DPPA4: variants seen among roughly 807,000 people sequenced by gnomAD.
DPPA4 encodes the protein developmental pluripotency-associated protein 4.
Under a neutral mutation model 33.7 loss-of-function variants are expected in DPPA4, and 22 were observed. That is an observed-to-expected ratio of 0.65 (90% CI 0.47 to 0.93). The LOEUF (loss-of-function observed/expected upper bound fraction) is 0.93. DPPA4 is among the 40% of genes least tolerant of loss of function. DPPA4 has a pLI of 0.00. For synonymous variants in DPPA4, 156 were observed against 132.3 expected (o/e 1.18, Z -1.23); for missense variants, 340 against 358.6 (o/e 0.95, Z 0.42).
intron 4 of DPPA4, 83 bp downstream of exon 4, chr3:109,331,651 C>A: frequency 1.5e-6 from 2 of 1,302,010 alleles, no homozygotes. Flanking sequence ...CAAGGTGAGG[C>A]TAAGACAGTT....
chr3:109,332,409 CT>C (rs1708103037), intron 2 of DPPA4, among the ~76,000 whole-genome samples: 3 of 152,060 alleles, frequency 2.0e-5, no homozygotes, highest in African/African-American at 7.2e-5. Context: ...CCTAAAATCA[CT>C]TTTAGTTAAT....
intron 4 of DPPA4, among the ~76,000 whole-genome samples, 184 bp downstream of exon 4, chr3:109,331,543 CAAAAAAA>C (rs62827961): frequency 1.4e-5 from 1 of 71,466 alleles, no homozygotes; most frequent in Non-Finnish European, 2.5e-5. Flanking sequence ...GACTCTGTCT[CAAAAAAA>C]AAAAAAAAAA....
Position 109,327,399 on chromosome 3 carries a change from C to A in DPPA4, c.*589G>T. 6.6e-6 allele frequency: 1 copy of A among 152,426 alleles called. No homozygotes were observed. Among genetic ancestry groups the A allele is most frequent in the Non-Finnish European group, 1.5e-5 (1 of 68,108 alleles). 9.4% of individuals were successfully genotyped at this position (152,426 alleles called of 1,614,324 possible). A position where few individuals can be genotyped will look rare whatever the true frequency, so the allele number is the denominator to read the frequency against. On this transcript the variant is annotated 3_prime_UTR_variant, in exon 7 of 7. Transcript: ENST00000335658. ...TAAAAGAGCTGTTGAAGGTCAGGCG[C>A]AGGGGCTCATGCCCATAGTCCCAGC...
chr3:109,335,515 A>G (rs1479878515), intron 1 of DPPA4, among the ~76,000 whole-genome samples: 1 of 151,972 alleles, frequency 6.6e-6, no homozygotes, highest in Non-Finnish European at 1.5e-5. Context: ...TGCAACTTCC[A>G]TCTCCCCGGT....
chr3:109,339,247 A>T (rs1241330732), upstream of DPPA4, among the ~76,000 whole-genome samples: 1 of 150,576 alleles, frequency 6.6e-6, no homozygotes, highest in Non-Finnish European at 1.5e-5. Flanking sequence ...AATCCAGGCC[A>T]GATTGATTCA....
chr3:109,332,772 G>A (rs1340465131), intron 2 of DPPA4, among the ~76,000 whole-genome samples: 1 of 152,126 alleles, frequency 6.6e-6, no homozygotes. Context: ...TCCCGCTTCT[G>A]CACCTCACAT....
Position 109,333,865 on chromosome 3 carries a change from C to CT in DPPA4, c.178+4dup. On this transcript the variant is annotated splice_donor_region_variant and intron_variant, in intron 2 of 6. Coordinates refer to ENST00000335658, the MANE Select transcript of DPPA4 (RefSeq NM_018189.4). Reference sequence around the variant, plus strand: ...GTGGGATTTGAGAATTTGAAGACCTCTTACCTTTACTGCCTTTGATAGACA... The same window carrying CT: ...GTGGGATTTGAGAATTTGAAGACCTCTTTACCTTTACTGCCTTTGATAGACA... 1 of 1,613,606 alleles carries CT rather than the reference C, an allele frequency of 6.2e-7. No individual in the cohort carries two copies. Among genetic ancestry groups the CT allele is most frequent in the Admixed American group, 1.7e-5 (1 of 59,986 alleles).
At chr3:109,331,828 T>C (rs140276272) in intron 3 of DPPA4, 43 bp downstream of exon 3, 1 of 1,613,600 alleles carries the variant, frequency 6.2e-7, no homozygotes, top group Non-Finnish European at 8.5e-7. Context: ...ATAAGGTTCC[T>C]ACCCTTCCTC....
Position 109,330,639 on chromosome 3 carries a change from T to A in DPPA4, c.564A>T (p.Gly188=). The change falls in exon 5 of 7, where the codon GGA becomes GGT. Residue 188 remains glycine, a synonymous_variant. Coordinates refer to ENST00000335658, the MANE Select transcript of DPPA4 (RefSeq NM_018189.4). ...AAGTTGTCACCACAACTGTATTAAC[T>A]CCCTCAAGGAGAGCAGTGGAATTTT... ...ALENSTALLE[G]VNTVVVTTSA... 1 of 1,613,974 alleles carries A rather than the reference T, an allele frequency of 6.2e-7. No homozygotes were observed. The highest frequency in any genetic ancestry group is 2.2e-5 in the East Asian group (1 of 44,846).
chr3:109,333,573 C>T (rs146605785), intron 2 of DPPA4: 70 of 210,428 alleles, frequency 3.3e-4, no homozygotes, highest in African/African-American at 1.5e-3. Flanking sequence ...AAATTTACAG[C>T]TGTCTGTTCC....
chr3:109,332,150 G>C lies in DPPA4; in HGVS notation c.179-119C>G, dbSNP rs3762649. 2,921 of 879,374 alleles carry C rather than the reference G, an allele frequency of 3.3e-3. 83 individuals carry two copies. The East Asian group carries it at 0.059, about 18-fold the overall frequency. 54.5% of individuals were successfully genotyped at this position (879,374 alleles called of 1,614,324 possible). On this transcript the variant is annotated intron_variant, in intron 2 of 6. Coordinates refer to ENST00000335658, the MANE Select transcript of DPPA4 (RefSeq NM_018189.4). ...CAGAATCTTGCTCTGTCGCCCGGCT[G>C]GAGTGCAGTGGCGCGATCTTGGCTC...
intron 1 of DPPA4, among the ~76,000 whole-genome samples, chr3:109,334,511 G>A (rs983829984): frequency 5.9e-5 from 9 of 151,808 alleles, no homozygotes; most frequent in South Asian, 2.1e-4. Flanking sequence ...CTCCAGCCTG[G>A]GTGACAGAAT....
At position 109,330,681 on chromosome 3, in the gene DPPA4, C is replaced by G; in HGVS notation, c.522G>C (p.Gly174=). 2 of 1,614,136 alleles carry G rather than the reference C, an allele frequency of 1.2e-6. No individual in the cohort carries two copies. Among genetic ancestry groups the G allele is most frequent in the Non-Finnish European group, 1.7e-6 (2 of 1,180,004 alleles). The change falls in exon 5 of 7, where the codon GGG becomes GGC. Residue 174 remains glycine, a synonymous_variant. Transcript: ENST00000335658. The stretch of plus-strand genomic sequence containing the variant: ...TGGAATTTTCCAGGGCAGGCGGCTC[C>G]CCCACAGGAGGAAGAGCCACTTCAG... ...HPPEVALPPV[G]EPPALENSTA...
In DPPA4 at chr3:109,327,648, C is replaced by T. The variant is rs371139463; in HGVS notation, c.*340G>A. 1.5e-5 allele frequency: 3 copies of T among 203,856 alleles called. No homozygotes were observed. Among genetic ancestry groups the T allele is most frequent in the African/African-American group, 7.0e-5 (3 of 42,606 alleles). The allele number at this position is 203,856 out of a possible 1,614,324, so 12.6% of individuals were successfully genotyped here. On this transcript the variant is annotated 3_prime_UTR_variant, in exon 7 of 7. Coordinates refer to ENST00000335658, the MANE Select transcript of DPPA4 (RefSeq NM_018189.4). ...TTGCACCACTGCACTCCAGCCTGGGCAACAGTGAGACACTGTCTCAAAATA... is the reference window on the plus strand; with the variant it reads ...TTGCACCACTGCACTCCAGCCTGGGTAACAGTGAGACACTGTCTCAAAATA...
At chr3:109,336,154 A>G (rs2107352841) in intron 1 of DPPA4, among the ~76,000 whole-genome samples, 1 of 152,184 alleles carries the variant, frequency 6.6e-6, no homozygotes, top group Non-Finnish European at 1.5e-5. Flanking sequence ...TCATTAAAAA[A>G]AAAAAATTAA....
intron 1 of DPPA4, 108 bp downstream of exon 1, chr3:109,337,356 A>G: frequency 1.0e-6 from 1 of 987,018 alleles, no homozygotes; most frequent in Non-Finnish European, 1.6e-6. Context: ...TCAAGAGGAG[A>G]AAATTCGAAG....
At position 109,330,582 on chromosome 3, in the gene DPPA4, C is replaced by A; in HGVS notation, c.621G>T (p.Ala207=). 2 of 1,614,114 alleles carry A rather than the reference C, an allele frequency of 1.2e-6. No individual in the cohort carries two copies. Among genetic ancestry groups the A allele is most frequent in the East Asian group, 2.2e-5 (1 of 44,844 alleles). The stretch of plus-strand genomic sequence containing the variant: ...GTGTCCTCGCCCTGGCTGAAATTCT[C>A]GCCCAGGAGGCCAGCAAAGCCTCTG... The part of the protein sequence containing the change: ...SAPEALLASW[A]RISARARTPE... Residue 207 remains alanine (A), a synonymous_variant, in exon 5 of 7, where the codon GCG becomes GCT. Transcript: ENST00000335658.
chr3:109,337,448 C>A lies in DPPA4; in HGVS notation c.54+16G>T, dbSNP rs769595364. 51 of 1,612,762 alleles carry A rather than the reference C, an allele frequency of 3.2e-5. No individual in the cohort carries two copies. The highest frequency in any genetic ancestry group is 6.7e-5 in the Admixed American group (4 of 59,976). The stretch of plus-strand genomic sequence containing the variant: ...CAAAGACAGACAGAAAACAAATCCA[C>A]TAAAACTGTACTGACCTCCTTGCCT... On this transcript the variant is annotated intron_variant, in intron 1 of 6. Transcript: ENST00000335658.
chr3:109,334,447 T>A (rs567170500), intron 1 of DPPA4, among the ~76,000 whole-genome samples: 1 of 151,768 alleles, frequency 6.6e-6, no homozygotes, highest in Non-Finnish European at 1.5e-5. Context: ...TACTCGAGAC[T>A]GAGATAGGAG....
Sources: gnomAD v4.1 joint callset for allele counts (sites outside exome capture counted in the v4.1 genomes callset) on GRCh38, gnomAD v4.1.1 for gene constraint, MANE v1.5 for transcripts, NCBI Gene and HGNC (gene_info 2026-07-23, HGNC 2026-07-21) for gene names.